The following KCNQ5 variants were observed in gnomAD, a reference collection of about 807,000 sequenced individuals.
KCNQ5 encodes the protein potassium voltage-gated channel subfamily KQT member 5.
KCNQ5 carries 30 observed loss-of-function variants against 98.2 expected under a neutral mutation model. The ratio of observed to expected loss-of-function variants is 0.31; its 90% CI spans 0.23 to 0.41. The LOEUF (loss-of-function observed/expected upper bound fraction) is 0.41. Ranked by LOEUF, KCNQ5 falls within the 10% of genes least tolerant of loss-of-function variation. KCNQ5 has a pLI of 1.00. For missense variants in KCNQ5, 835 were observed against 1,182.5 expected, an observed-to-expected ratio of 0.71 and a Z score of 4.31; for synonymous variants, 458 against 449.4, an observed-to-expected ratio of 1.02 and a Z score of -0.24.
chr6:72,843,410 G>A (rs1339610850), intron 1 of KCNQ5, among the ~76,000 whole-genome samples: 1 of 152,148 alleles, frequency 6.6e-6, no homozygotes, highest in East Asian at 1.9e-4. Context: ...TTGAAGTCAG[G>A]TAGCATGATG....
intron 1 of KCNQ5, among the ~76,000 whole-genome samples, chr6:72,752,635 A>G (rs1466030455): frequency 6.6e-6 from 1 of 152,152 alleles, no homozygotes; most frequent in Non-Finnish European, 1.5e-5. Context: ...CCATTAAACA[A>G]TTTGGATCTT....
chr6:72,701,675 C>T (rs1768815321), intron 1 of KCNQ5, among the ~76,000 whole-genome samples: 1 of 151,824 alleles, frequency 6.6e-6, no homozygotes. Flanking sequence ...CTCCTGAGCT[C>T]AAGCAATTCT....
At chr6:72,634,722 C>T (rs1020497038) in intron 1 of KCNQ5, among the ~76,000 whole-genome samples, 4 of 152,138 alleles carry the variant, frequency 2.6e-5, no homozygotes, top group East Asian at 3.9e-4. Flanking sequence ...CCCGCCACCA[C>T]GCCTGGCTAA....
At chr6:73,051,731 A>ACC (rs1562148922) in intron 3 of KCNQ5, among the ~76,000 whole-genome samples, 3 of 132,242 alleles carry the variant, frequency 2.3e-5, no homozygotes, top group South Asian at 4.7e-4. Context: ...AAAAAAAAAA[A>ACC]AAAAAAAAAC....
intron 10 of KCNQ5, among the ~76,000 whole-genome samples, chr6:73,168,638 G>T (rs1265867590): frequency 6.6e-6 from 1 of 151,960 alleles, no homozygotes; most frequent in Non-Finnish European, 1.5e-5. Context: ...AATAGGGGTG[G>T]TGGTTACAGG....
chr6:73,054,023 C>T, intron 3 of KCNQ5, among the ~76,000 whole-genome samples: 1 of 151,910 alleles, frequency 6.6e-6, no homozygotes. Context: ...TTACCACCTA[C>T]CCCACAAAAA....
chr6:72,901,321 T>C (rs1779497714), intron 1 of KCNQ5, among the ~76,000 whole-genome samples: 1 of 152,206 alleles, frequency 6.6e-6, no homozygotes, highest in Non-Finnish European at 1.5e-5. Flanking sequence ...TTCTGCTTAC[T>C]GTTCCTTTTG....
chr6:72,636,147 T>C (rs2098923998), intron 1 of KCNQ5, among the ~76,000 whole-genome samples: 2 of 152,154 alleles, frequency 1.3e-5, no homozygotes, highest in South Asian at 4.1e-4. Context: ...AGTTAAGAAA[T>C]AAATTAGAAA....
intron 1 of KCNQ5, among the ~76,000 whole-genome samples, chr6:72,787,541 A>T (rs902266572): frequency 4.9e-5 from 6 of 121,910 alleles, no homozygotes; most frequent in Admixed American, 7.5e-5. Context: ...TCAGTATTTA[A>T]AAAAAAAAAA....
At chr6:72,655,041 T>C (rs866647917) in intron 1 of KCNQ5, among the ~76,000 whole-genome samples, 6,047 of 141,630 alleles carry the variant, frequency 0.043, 324 homozygotes, top group African/African-American at 0.099. Context: ...TCTTTCTTTC[T>C]TTCTTTCTTT....
At chr6:72,837,836 T>A (rs1007718634) in intron 1 of KCNQ5, among the ~76,000 whole-genome samples, 2 of 152,204 alleles carry the variant, frequency 1.3e-5, no homozygotes, top group Non-Finnish European at 2.9e-5. Context: ...AAACATGTTA[T>A]AGGTTTTTTA....
rs571651510 is a variant in KCNQ5 at position 73,012,139 on chromosome 6, G to A, written c.489+8141G>A. 1.1e-4 allele frequency among the ~76,000 whole-genome samples: 16 copies of A among 152,068 alleles called. No individual in the cohort carries two copies. In the East Asian group the frequency reaches 2.3e-3, roughly 22 times the overall value. On this transcript the variant is annotated intron_variant, in intron 2 of 13. Transcript: ENST00000370398. ...CTGGATGTATGCCAAAAACACTGAC[G>A]GCAAGGTCTCAAAGAGATGTGTACA... is the stretch of plus-strand genomic sequence containing the variant.
rs1765762972 is a variant in KCNQ5, at chr6:73,195,522, AC to A, written c.*109del. On this transcript the variant is annotated 3_prime_UTR_variant, in exon 14 of 14. Coordinates refer to ENST00000370398, the MANE Select transcript of KCNQ5 (RefSeq NM_019842.4). ...GTTGAAATTGCAAGAATCGGGAAGA[AC>A]ATGAAAGGCAGTTTATAAGCCCGTT... The A allele has an allele frequency of 3.6e-6, 5 of 1,376,336 alleles. No individual in the cohort carries two copies. In the African/African-American group the frequency reaches 5.8e-5, roughly 16 times the overall value. 85.3% of individuals were successfully genotyped at this position (1,376,336 alleles called of 1,614,324 possible).
At chr6:72,654,520 A>G (rs1233807714) in intron 1 of KCNQ5, among the ~76,000 whole-genome samples, 2 of 152,048 alleles carry the variant, frequency 1.3e-5, no homozygotes, top group Non-Finnish European at 2.9e-5. Flanking sequence ...ACAATGTACT[A>G]GGCATGAAGT....
chr6:72,851,812 T>C (rs920443441), intron 1 of KCNQ5, among the ~76,000 whole-genome samples: 1 of 152,172 alleles, frequency 6.6e-6, no homozygotes, highest in African/African-American at 2.4e-5. Context: ...AATTTTATTT[T>C]ACAGAGTTGT....
chr6:72,901,757 G>A (rs974756711), intron 1 of KCNQ5, among the ~76,000 whole-genome samples: 6 of 152,140 alleles, frequency 3.9e-5, no homozygotes, highest in Non-Finnish European at 5.9e-5. Flanking sequence ...TGGCCTTATA[G>A]TATAGTTTGA....
At chr6:73,147,407 G>A (rs1776967030) in intron 10 of KCNQ5, among the ~76,000 whole-genome samples, 2 of 152,092 alleles carry the variant, frequency 1.3e-5, no homozygotes, top group African/African-American at 4.8e-5. Context: ...ATTTCTACCT[G>A]TGGTAAATGG....
At chr6:72,728,331 C>A (rs1300706141) in intron 1 of KCNQ5, among the ~76,000 whole-genome samples, 2 of 152,092 alleles carry the variant, frequency 1.3e-5, no homozygotes, top group Non-Finnish European at 2.9e-5. Flanking sequence ...AGTTCAAATT[C>A]CAGGATCTTA....
At chr6:72,801,448 C>A (rs1288903587) in intron 1 of KCNQ5, among the ~76,000 whole-genome samples, 3 of 134,348 alleles carry the variant, frequency 2.2e-5, no homozygotes, top group Admixed American at 7.5e-5. Flanking sequence ...AGGATTGCAA[C>A]CCCTGCCTTT....
Sources: gnomAD v4.1 joint callset for allele counts (sites outside exome capture counted in the v4.1 genomes callset) on GRCh38, gnomAD v4.1.1 for gene constraint, MANE v1.5 for transcripts, NCBI Gene and HGNC (gene_info 2026-07-23, HGNC 2026-07-21) for gene names.